SHANK2: variants seen among roughly 807,000 people sequenced by gnomAD.
SHANK2 encodes SH3 and multiple ankyrin repeat domains 2.
Under a neutral mutation model 133.7 loss-of-function variants are expected in SHANK2, and 43 were observed. The ratio of observed to expected loss-of-function variants is 0.32; its 90% CI spans 0.25 to 0.41. The LOEUF (loss-of-function observed/expected upper bound fraction) is 0.41. SHANK2 is among the 10% of genes least tolerant of loss of function. SHANK2 has a pLI of 1.00. For synonymous variants in SHANK2, 1,017 were observed against 952.8 expected, an observed-to-expected ratio of 1.07 and a Z score of -1.24; for missense variants, 1,994 against 2,235.8, an observed-to-expected ratio of 0.89 and a Z score of 2.18.
chr11:70,699,900 A>G (rs2134495203), intron 14 of SHANK2, among the ~76,000 whole-genome samples: 1 of 152,308 alleles, frequency 6.6e-6, no homozygotes, highest in African/African-American at 2.4e-5. Flanking sequence ...AGATGTGAGC[A>G]CAAGCAGGGT....
chr11:70,929,495 T>C (rs1950473529), intron 10 of SHANK2, among the ~76,000 whole-genome samples: 3 of 152,162 alleles, frequency 2.0e-5, no homozygotes, highest in Admixed American at 2.0e-4. Flanking sequence ...GAAGAATCCA[T>C]TTCCTCCCCT....
At chr11:70,551,350 C>T (rs1457221093) in intron 17 of SHANK2, among the ~76,000 whole-genome samples, 6 of 152,040 alleles carry the variant, frequency 3.9e-5, no homozygotes, top group African/African-American at 1.4e-4. Context: ...CCATCTCCAC[C>T]CGGCCAGTCT....
rs782768660 is a variant in SHANK2, at chr11:70,739,427, C to T, written c.1778-40664G>A. On this transcript the variant is annotated intron_variant, in intron 14 of 25. Transcript: ENST00000601538. This position sits in a 1 kb window ranked among gnomAD's most constrained non-coding sequence, Gnocchi z 4.3. Reference sequence around the variant, plus strand: ...GGCCAGGCACAGACTCCAGCCTTGACGCCCAGGCTGCCCCGTCCTCTCCTC... The same window carrying T: ...GGCCAGGCACAGACTCCAGCCTTGATGCCCAGGCTGCCCCGTCCTCTCCTC... 1.2e-4 allele frequency among the ~76,000 whole-genome samples: 18 copies of T among 152,162 alleles called. No homozygotes were observed. The highest frequency in any genetic ancestry group is 2.6e-4 in the Admixed American group (4 of 15,292).
At chr11:70,811,840 G>C (rs36098560) in intron 12 of SHANK2, among the ~76,000 whole-genome samples, 52,245 of 151,346 alleles carry the variant, frequency 0.35, 10,347 homozygotes, top group African/African-American at 0.54. Flanking sequence ...ATTCATCCAT[G>C]CATCTACCCA....
At chr11:70,495,096 C>T (rs1037748782) in intron 21 of SHANK2, among the ~76,000 whole-genome samples, 152 of 152,200 alleles carry the variant, frequency 1.0e-3, no homozygotes, top group African/African-American at 3.5e-3. Context: ...CCTGTGACCC[C>T]AGTCCAGAGC....
At chr11:70,944,092 C>G in intron 10 of SHANK2, 1 of 391,210 alleles carries the variant, frequency 2.6e-6, no homozygotes, top group Non-Finnish European at 5.1e-6. Context: ...CAGTCGACTG[C>G]AATTCTATTT....
intron 15 of SHANK2, among the ~76,000 whole-genome samples, chr11:70,662,792 C>T (rs1487894898): frequency 1.3e-5 from 2 of 152,178 alleles, no homozygotes; most frequent in African/African-American, 4.8e-5. Flanking sequence ...GACATCCAGC[C>T]CCCGAGGCAC....
rs11342822 is a variant in SHANK2 at position 70,724,039 on chromosome 11, CTT to C, written c.1778-25278_1778-25277del. Among the ~76,000 whole-genome samples, 152 of 143,804 alleles carry C rather than the reference CTT, an allele frequency of 1.1e-3. 1 individual carries two copies. Among genetic ancestry groups the C allele is most frequent in the African/African-American group, 1.3e-3 (49 of 38,748 alleles). 94.3% of individuals were successfully genotyped at this position (143,804 alleles called of 152,430 possible). Reference sequence around the variant, plus strand: ...TGTTCTGGAGGCCCCAAAGTTCATTCTTTTTTTTTTTTTTGAGATGGAGTCTC... The same window carrying C: ...TGTTCTGGAGGCCCCAAAGTTCATTCTTTTTTTTTTTTGAGATGGAGTCTC... On this transcript the variant is annotated intron_variant, in intron 14 of 25. Transcript: ENST00000601538.
chr11:71,146,724 G>A (rs2135402683), intron 3 of SHANK2, among the ~76,000 whole-genome samples: 1 of 152,312 alleles, frequency 6.6e-6, no homozygotes, highest in East Asian at 1.9e-4. Context: ...AAGAGGCAGG[G>A]CCAGGCCTGA....
intron 14 of SHANK2, among the ~76,000 whole-genome samples, chr11:70,774,161 G>A (rs1947312742): frequency 6.6e-6 from 1 of 152,176 alleles, no homozygotes; most frequent in Non-Finnish European, 1.5e-5. Context: ...GCTATGGCAT[G>A]GGAGAATCTC....
chr11:71,191,818 T>C (rs1953799359), intron 2 of SHANK2, among the ~76,000 whole-genome samples: 1 of 151,920 alleles, frequency 6.6e-6, no homozygotes, highest in Non-Finnish European at 1.5e-5. Context: ...CCTCCCAAAG[T>C]GCTGGGATTA....
At chr11:70,658,669 A>C (rs2061442333) in intron 17 of SHANK2, among the ~76,000 whole-genome samples, 1 of 152,326 alleles carries the variant, frequency 6.6e-6, no homozygotes, top group Non-Finnish European at 1.5e-5. Flanking sequence ...AGTCCTGAGG[A>C]TCTCTAAGGA....
intron 17 of SHANK2, chr11:70,603,928 G>A (rs900539445): frequency 3.9e-5 from 6 of 152,652 alleles, no homozygotes; most frequent in Non-Finnish European, 7.3e-5. Flanking sequence ...AGAGCAGAAC[G>A]ACCCGATAAA....
chr11:70,741,482 T>A (rs1212848636), intron 14 of SHANK2, among the ~76,000 whole-genome samples: 2 of 152,168 alleles, frequency 1.3e-5, no homozygotes, highest in African/African-American at 4.8e-5. Flanking sequence ...TAGTCACTCA[T>A]CCATCTGCCC....
intron 9 of SHANK2, among the ~76,000 whole-genome samples, chr11:71,061,063 G>A (rs1201455832): frequency 6.6e-6 from 1 of 152,246 alleles, no homozygotes; most frequent in Admixed American, 6.5e-5. Flanking sequence ...TTCAAAAACA[G>A]AAAGCCCTGG....
At chr11:70,946,145 C>T (rs147825556) in intron 10 of SHANK2, among the ~76,000 whole-genome samples, 1,698 of 151,390 alleles carry the variant, frequency 0.011, 28 homozygotes, top group African/African-American at 0.038. Flanking sequence ...CTAACTAACC[C>T]TTCCCAGGCT....
chr11:71,150,682 G>A (rs12273863), intron 2 of SHANK2, among the ~76,000 whole-genome samples: 47,749 of 151,660 alleles, frequency 0.31, 8,968 homozygotes, highest in African/African-American at 0.52. Context: ...TAAGAAAGGC[G>A]CCATGCCATG....
chr11:70,581,623 G>A (rs184135758), intron 17 of SHANK2, among the ~76,000 whole-genome samples: 237 of 152,324 alleles, frequency 1.6e-3, no homozygotes, highest in African/African-American at 2.6e-3. Context: ...CCCGGGAGGC[G>A]GAGGTTGCAA....
At chr11:70,607,718 T>C (rs4548641) in intron 17 of SHANK2, among the ~76,000 whole-genome samples, 149,937 of 152,346 alleles carry the variant, frequency 0.98, 73,839 homozygotes, top group Middle Eastern at 1. Context: ...CCCCAGGACA[T>C]GCCACCATCC....
Sources: gnomAD v4.1 joint callset for allele counts (sites outside exome capture counted in the v4.1 genomes callset) on GRCh38, gnomAD v4.1.1 for gene constraint, Gnocchi (gnomAD v3.1) non-coding constraint, MANE v1.5 for transcripts, NCBI Gene and HGNC (gene_info 2026-07-23, HGNC 2026-07-21) for gene names.